FAM200B: variants seen among roughly 807,000 people sequenced by gnomAD.
FAM200B encodes zinc finger BED-type containing 11, also known as protein FAM200B.
Under a neutral mutation model 33.1 loss-of-function variants are expected in FAM200B, and 32 were observed. That is an observed-to-expected ratio of 0.97 (90% CI 0.73 to 1.30). The LOEUF (loss-of-function observed/expected upper bound fraction) is 1.30. Among genes scored for constraint, FAM200B ranks in the 50% most tolerant of loss-of-function variants. The pLI is 0.00. For synonymous variants in FAM200B, 240 were observed against 264.8 expected, an observed-to-expected ratio of 0.91 and a Z score of 0.91; for missense variants, 741 against 754.0, an observed-to-expected ratio of 0.98 and a Z score of 0.20.
the FAM200B span, among the ~76,000 whole-genome samples, chr4:15,648,633 G>A: frequency 6.6e-6 from 1 of 152,166 alleles, no homozygotes; most frequent in East Asian, 1.9e-4. Flanking sequence ...GATAAATAAT[G>A]TATGATCTCA....
At chr4:15,642,246 T>TA in the FAM200B span, among the ~76,000 whole-genome samples, 1 of 149,642 alleles carries the variant, frequency 6.7e-6, no homozygotes, top group Non-Finnish European at 1.5e-5. Context: ...ATGAAAACTT[T>TA]TTTTTTTTTT....
chr4:15,659,750 A>G, the FAM200B span: 2 of 984,842 alleles, frequency 2.0e-6, no homozygotes, highest in Non-Finnish European at 2.4e-6. Context: ...CCTCTTAGTA[A>G]ATATTGCCAA....
In FAM200B at chr4:15,687,230, C is replaced by G. The variant is rs2148863394; in HGVS notation, c.253C>G (p.Gln85Glu). The G allele has an allele frequency of 6.5e-7, 1 of 1,542,692 alleles. No homozygotes were observed. ...AAAACCCTTTGAAAATGACAGACCT[C>G]AGTGTGTTATTTGTAATAATATTCT... ...CEKPFENDRP[Q>E]CVICNNILAN... Residue 85 changes from glutamine (Q) to glutamate (E), a missense_variant, in exon 2 of 2, where the codon CAG (glutamine) becomes GAG (glutamate). Gln to Glu is a conservative substitution (Grantham distance 29). Transcript: ENST00000422728.
chr4:15,636,894 A>G, the FAM200B span, among the ~76,000 whole-genome samples: 1 of 152,220 alleles, frequency 6.6e-6, no homozygotes, highest in African/African-American at 2.4e-5. Flanking sequence ...ATCATACTTC[A>G]TCAGTGGGAG....
chr4:15,645,153 T>C, the FAM200B span, among the ~76,000 whole-genome samples: 2 of 152,000 alleles, frequency 1.3e-5, no homozygotes, highest in Non-Finnish European at 2.9e-5. Flanking sequence ...CTAAAGTATC[T>C]AGTATTCCTA....
chr4:15,669,347 A>T, the FAM200B span, among the ~76,000 whole-genome samples: 1 of 152,232 alleles, frequency 6.6e-6, no homozygotes. Flanking sequence ...TAGGAAAGGT[A>T]GAGTAAAAAT....
chr4:15,654,895 G>T, the FAM200B span, among the ~76,000 whole-genome samples: 1 of 152,088 alleles, frequency 6.6e-6, no homozygotes. Flanking sequence ...GTCCCAGCGC[G>T]GCGGTGGGGC....
chr4:15,664,269 A>C, the FAM200B span, among the ~76,000 whole-genome samples: 2 of 152,048 alleles, frequency 1.3e-5, no homozygotes, highest in African/African-American at 4.8e-5. Flanking sequence ...TATGGGCCCT[A>C]CTTACCTTCT....
chr4:15,685,041 A>G (rs1005426725), intron 1 of FAM200B: 6 of 152,234 alleles, frequency 3.9e-5, no homozygotes, highest in African/African-American at 4.8e-5. Context: ...AGAAGAAGTC[A>G]TGGTCTGCAA....
upstream of FAM200B, among the ~76,000 whole-genome samples, chr4:15,680,953 T>G (rs1718228425): frequency 6.7e-6 from 1 of 148,660 alleles, no homozygotes; most frequent in Admixed American, 6.8e-5. Context: ...ATATGTTTTT[T>G]GTTTCACATA....
chr4:15,656,150 A>G, the FAM200B span: 1 of 455,794 alleles, frequency 2.2e-6, no homozygotes, highest in Non-Finnish European at 4.4e-6. Context: ...TGAATAATGG[A>G]AGGTTGGTGC....
Position 15,688,039 on chromosome 4 carries a change from T to A in FAM200B, c.1062T>A (p.Asn354Lys). The A allele has an allele frequency of 1.3e-6, 2 of 1,551,210 alleles. No homozygotes were observed. Among genetic ancestry groups the A allele is most frequent in the Non-Finnish European group, 1.7e-6 (2 of 1,146,724 alleles). ...EVLKNAVKVV[N>K]FIKGSSLNSR... ...TGAAAAATGCAGTGAAAGTTGTTAA[T>A]TTTATTAAAGGAAGCTCATTGAATA... Residue 354 changes from asparagine (N) to lysine (K), a missense_variant, in exon 2 of 2, where the codon AAT becomes AAA. Asn to Lys is a moderately conservative substitution (Grantham distance 94, BLOSUM62 0). Coordinates refer to ENST00000422728, the MANE Select transcript of FAM200B (RefSeq NM_001145191.2).
the FAM200B span, among the ~76,000 whole-genome samples, chr4:15,641,215 T>C: frequency 1.3e-5 from 2 of 152,322 alleles, no homozygotes; most frequent in South Asian, 2.1e-4. Flanking sequence ...CCAAGCCTAA[T>C]GGACTGTATC....
the FAM200B span, among the ~76,000 whole-genome samples, chr4:15,666,743 C>T: frequency 6.6e-6 from 1 of 152,028 alleles, no homozygotes. Flanking sequence ...GAGGCTTGAG[C>T]CTGGGAGGTC....
intron 1 of FAM200B, among the ~76,000 whole-genome samples, chr4:15,682,705 T>G (rs1433197677): frequency 6.6e-6 from 1 of 152,232 alleles, no homozygotes; most frequent in East Asian, 1.9e-4. Flanking sequence ...CTTTAGGCAC[T>G]GTAGGTAGCT....
the FAM200B span, among the ~76,000 whole-genome samples, chr4:15,647,971 C>T: frequency 6.6e-6 from 1 of 152,162 alleles, no homozygotes; most frequent in African/African-American, 2.4e-5. Context: ...CTCCTGCTGG[C>T]CTCAGCCTTC....
Position 15,688,423 on chromosome 4 carries a change from C to A in FAM200B, c.1446C>A (p.Tyr482Ter), listed in dbSNP as rs1289628867. ...TTAAAAGTAATCGTCCTAGCTATTACATGTTTCCAAGATTTTTGCAGCATA... is the reference window on the plus strand; with the variant it reads ...TTAAAAGTAATCGTCCTAGCTATTAAATGTTTCCAAGATTTTTGCAGCATA... ...VRLKSNRPSY[Y>*]MFPRFLQHIE... The change falls in exon 2 of 2, where the codon TAC becomes TAA. Residue 482 changes from tyrosine to a stop codon, truncating the protein, a stop_gained. Coordinates refer to ENST00000422728, the MANE Select transcript of FAM200B (RefSeq NM_001145191.2). LOFTEE classifies it high-confidence loss of function. 7 of 1,545,880 alleles carry A rather than the reference C, an allele frequency of 4.5e-6. No homozygotes were observed. In the African/African-American group the frequency reaches 8.2e-5, roughly 18 times the overall value.
chr4:15,642,199 T>A, the FAM200B span, among the ~76,000 whole-genome samples: 1 of 151,736 alleles, frequency 6.6e-6, no homozygotes, highest in Admixed American at 6.6e-5. Flanking sequence ...CACTTCTATA[T>A]CAGCCCTCTC....
At chr4:15,644,753 T>G in the FAM200B span, 1 of 1,352,856 alleles carries the variant, frequency 7.4e-7, no homozygotes, top group South Asian at 1.3e-5. Flanking sequence ...TACGTGCAAA[T>G]ATGCACAAAT....
Sources: gnomAD v4.1 joint callset for allele counts (sites outside exome capture counted in the v4.1 genomes callset) on GRCh38, gnomAD v4.1.1 for gene constraint, MANE v1.5 for transcripts, NCBI Gene and HGNC (gene_info 2026-07-23, HGNC 2026-07-21) for gene names.